The following EXOC4 variants were observed in gnomAD, a reference collection of about 807,000 sequenced individuals.
EXOC4 encodes the protein exocyst complex component 4.
A neutral mutation model predicts 107.2 loss-of-function variants in EXOC4; 71 were observed. The ratio of observed to expected loss-of-function variants is 0.66; its 90% CI spans 0.55 to 0.81. The LOEUF is 0.81. Ranked by LOEUF, EXOC4 falls within the 30% of genes least tolerant of loss-of-function variation. The pLI is 0.00. For missense variants in EXOC4, 1,108 were observed against 1,189.6 expected, an observed-to-expected ratio of 0.93 and a Z score of 1.01; for synonymous variants, 456 against 441.2, an observed-to-expected ratio of 1.03 and a Z score of -0.42.
chr7:133,934,489 A>G (rs528811904), intron 13 of EXOC4, among the ~76,000 whole-genome samples: 2 of 152,318 alleles, frequency 1.3e-5, no homozygotes, highest in Admixed American at 6.5e-5. Flanking sequence ...AGCAAATCCC[A>G]GTGAGCCAGA....
At chr7:133,684,033 C>T (rs922301033) in intron 10 of EXOC4, among the ~76,000 whole-genome samples, 1 of 152,158 alleles carries the variant, frequency 6.6e-6, no homozygotes, top group Non-Finnish European at 1.5e-5. Flanking sequence ...GCTACGGGAT[C>T]ACATTTGCTG....
intron 17 of EXOC4, among the ~76,000 whole-genome samples, chr7:134,029,010 C>G (rs1795208295): frequency 6.6e-6 from 1 of 152,198 alleles, no homozygotes; most frequent in Non-Finnish European, 1.5e-5. Context: ...TCAGGAGGAA[C>G]CAGCCATTGT....
intron 9 of EXOC4, chr7:133,576,615 A>G (rs1801135000): frequency 2.3e-6 from 3 of 1,289,692 alleles, no homozygotes; most frequent in East Asian, 5.5e-5. Flanking sequence ...GGTAGAGATA[A>G]CCACCTAGCT....
intron 11 of EXOC4, among the ~76,000 whole-genome samples, chr7:133,853,353 C>A (rs1271401061): frequency 2.6e-5 from 2 of 76,086 alleles, no homozygotes; most frequent in Admixed American, 2.1e-4. Flanking sequence ...TTAACACACA[C>A]ACACACACAC....
At chr7:133,464,421 A>G (rs1175286852) in intron 7 of EXOC4, among the ~76,000 whole-genome samples, 4 of 152,218 alleles carry the variant, frequency 2.6e-5, no homozygotes, top group Non-Finnish European at 5.9e-5. Flanking sequence ...TTGTAGTTCT[A>G]AGGCAGGCAC....
At chr7:133,731,462 GA>G (rs996373711) in intron 10 of EXOC4, among the ~76,000 whole-genome samples, 19 of 149,710 alleles carry the variant, frequency 1.3e-4, no homozygotes, top group South Asian at 2.1e-4. Flanking sequence ...ACTGGGATAT[GA>G]AAAAAAAATA....
chr7:133,836,531 G>A (rs975764208), intron 11 of EXOC4, among the ~76,000 whole-genome samples: 2 of 152,102 alleles, frequency 1.3e-5, no homozygotes, highest in South Asian at 2.1e-4. Context: ...TGAAGTTCCC[G>A]AAAAGTAACA....
At chr7:134,073,868 G>A in the EXOC4 span, among the ~76,000 whole-genome samples, 7 of 152,090 alleles carry the variant, frequency 4.6e-5, no homozygotes, top group African/African-American at 7.2e-5. Flanking sequence ...CGTCATCAGG[G>A]CATCCTGATC....
chr7:134,043,685 G>A (rs1301466846), intron 17 of EXOC4, among the ~76,000 whole-genome samples: 1 of 152,174 alleles, frequency 6.6e-6, no homozygotes, highest in Non-Finnish European at 1.5e-5. Context: ...CATTTCTTGG[G>A]TGTAAACTAT....
the EXOC4 span, among the ~76,000 whole-genome samples, chr7:134,099,522 CTTTTTTTTTT>C: frequency 1.5e-3 from 151 of 103,920 alleles, no homozygotes; most frequent in Non-Finnish European, 2.7e-3. Context: ...CATCACACTT[CTTTTTTTTTT>C]TTTTTTTTTT....
At chr7:133,338,301 T>A (rs544172769) in intron 5 of EXOC4, among the ~76,000 whole-genome samples, 22 of 152,184 alleles carry the variant, frequency 1.4e-4, no homozygotes, top group South Asian at 4.1e-4. Flanking sequence ...TTTTTAAAAA[T>A]TTTTTATTTC....
intron 7 of EXOC4, among the ~76,000 whole-genome samples, chr7:133,441,868 G>A (rs562316754): frequency 2.0e-5 from 3 of 152,114 alleles, no homozygotes; most frequent in Admixed American, 6.5e-5. Flanking sequence ...GCACATACAC[G>A]CACACATACC....
chr7:133,599,979 C>T (rs1020087019), intron 9 of EXOC4, among the ~76,000 whole-genome samples: 1 of 142,790 alleles, frequency 7.0e-6, no homozygotes, highest in Non-Finnish European at 1.5e-5. Flanking sequence ...TGGCTCACTG[C>T]ATCCTAAACC....
intron 9 of EXOC4, among the ~76,000 whole-genome samples, chr7:133,499,736 G>T (rs1277925949): frequency 1.3e-5 from 2 of 152,064 alleles, no homozygotes; most frequent in African/African-American, 4.8e-5. Flanking sequence ...CCTCTGTGCT[G>T]CTCTTGTGAT....
Position 134,051,671 on chromosome 7 carries a change from C to CA in EXOC4, c.2688-12599dup, listed in dbSNP as rs71172425. Among the ~76,000 whole-genome samples, 661 of 107,606 alleles carry CA rather than the reference C, an allele frequency of 6.1e-3. 5 individuals are homozygous for CA. The highest frequency in any genetic ancestry group is 0.023 in the Middle Eastern group (3 of 132). 70.6% of individuals were successfully genotyped at this position (107,606 alleles called of 152,430 possible). A position where few individuals can be genotyped will look rare whatever the true frequency, so the allele number is the denominator to read the frequency against. On this transcript the variant is annotated intron_variant, in intron 17 of 17. Coordinates refer to ENST00000253861, the MANE Select transcript of EXOC4 (RefSeq NM_021807.4). ...TGGGAGACAGAGCGAGACTCCGTCT[C>CA]AAAAAAAAAAAAAAAAAAAAACTTG...
chr7:134,045,541 G>A (rs1385410910), intron 17 of EXOC4, among the ~76,000 whole-genome samples: 8 of 152,296 alleles, frequency 5.3e-5, no homozygotes, highest in South Asian at 2.1e-4. Context: ...TATTGGCTGC[G>A]GACAGATGTC....
At chr7:133,322,382 G>C (rs368471477) in intron 5 of EXOC4, among the ~76,000 whole-genome samples, 1 of 152,206 alleles carries the variant, frequency 6.6e-6, no homozygotes, top group African/African-American at 2.4e-5. Context: ...TACACCTTGA[G>C]TTAATTTTTA....
At chr7:134,042,476 GGA>G (rs1795542327) in intron 17 of EXOC4, among the ~76,000 whole-genome samples, 1 of 113,020 alleles carries the variant, frequency 8.8e-6, no homozygotes, top group Admixed American at 8.9e-5. Flanking sequence ...GAGCATGCTA[GGA>G]AAAAAAAAAA....
At chr7:133,842,717 A>G (rs1439657826) in intron 11 of EXOC4, among the ~76,000 whole-genome samples, 1 of 152,098 alleles carries the variant, frequency 6.6e-6, no homozygotes, top group Non-Finnish European at 1.5e-5. Flanking sequence ...TCCAGGTCCT[A>G]TGTCCAGAAT....
Sources: allele counts gnomAD v4.1 joint callset (sites outside exome capture counted in the v4.1 genomes callset), GRCh38; gene constraint gnomAD v4.1.1; transcripts MANE v1.5; gene names NCBI Gene and HGNC (gene_info 2026-07-23, HGNC 2026-07-21).